ASPHD1: variants seen among roughly 807,000 people sequenced by gnomAD.
ASPHD1 encodes the protein aspartate beta-hydroxylase domain-containing protein 1.
In ASPHD1, 20 loss-of-function variants were observed where a neutral mutation model predicts 28.3. The ratio of observed to expected loss-of-function variants is 0.71; its 90% CI spans 0.50 to 1.03. The LOEUF (loss-of-function observed/expected upper bound fraction) is 1.03. Among genes scored for constraint, ASPHD1 ranks in the 50% least tolerant of loss-of-function variants. The probability of loss-of-function intolerance (pLI) is 0.00; values close to 1 mark genes in which losing one functional copy is unlikely to be tolerated. For synonymous variants in ASPHD1, 240 were observed against 221.2 expected (o/e 1.08, Z -0.75); for missense variants, 479 against 524.1 (o/e 0.91, Z 0.84).
intron 3 of ASPHD1, chr16:29,911,722 G>T: frequency 7.4e-7 from 1 of 1,352,460 alleles, no homozygotes; most frequent in Non-Finnish European, 1.0e-6. Flanking sequence ...GTTCTTGTAG[G>T]CCCCCCGTGT....
At position 29,901,596 on chromosome 16, in the gene ASPHD1, G is replaced by C. The variant is rs2068549754; in HGVS notation, c.625G>C (p.Asp209His). 3.2e-6 allele frequency: 5 copies of C among 1,547,226 alleles called. No individual in the cohort carries two copies. The African/African-American group carries it at 4.1e-5, about 13-fold the overall frequency. Residue 209 changes from aspartate to histidine, a missense_variant, in exon 1 of 3, where the codon GAC (aspartate) becomes CAC (histidine). Asp to His is a moderately conservative substitution (Grantham distance 81). Coordinates refer to ENST00000308748, the MANE Select transcript of ASPHD1 (RefSeq NM_181718.4). This position sits in a 1 kb window ranked among gnomAD's most constrained non-coding sequence, Gnocchi z 5.1. ...PFVPRDAQRH[D>H]VELLESSFPA... ...TGTGCCGCGGGACGCCCAGCGGCAC[G>C]ACGTGGAGCTCCTGGAGAGCAGCTT... is the stretch of plus-strand genomic sequence containing the variant.
At chr16:29,912,898 T>A (rs62056408) in intron 3 of ASPHD1, among the ~76,000 whole-genome samples, 1 of 152,230 alleles carries the variant, frequency 6.6e-6, no homozygotes, top group Non-Finnish European at 1.5e-5. Flanking sequence ...GTGAATGAAC[T>A]TCATTGGGTG....
downstream of ASPHD1, among the ~76,000 whole-genome samples, chr16:29,909,970 G>A (rs910839764): frequency 5.3e-5 from 8 of 151,858 alleles, no homozygotes; most frequent in Non-Finnish European, 1.2e-4. Flanking sequence ...ATGGAGGCGG[G>A]TGCCTGTAGT....
downstream of ASPHD1, chr16:29,907,197 C>T: frequency 1.1e-6 from 1 of 870,054 alleles, no homozygotes; most frequent in Non-Finnish European, 1.8e-6. Context: ...ACCAACACAC[C>T]TCCTAGCCCT....
At position 29,900,950 on chromosome 16, in the gene ASPHD1, G is replaced by A. The variant is rs1431890982; in HGVS notation, c.-22G>A. 4 of 1,547,246 alleles carry A rather than the reference G, an allele frequency of 2.6e-6. No individual in the cohort carries two copies. Among genetic ancestry groups the A allele is most frequent in the Non-Finnish European group, 3.5e-6 (4 of 1,143,812 alleles). On this transcript the variant is annotated 5_prime_UTR_variant, in exon 1 of 3. Transcript: ENST00000308748. ...AAGGAGAGAGAAAGGGGAGAGAAAG[G>A]AGAGAGGAGGGTTGGAGGTGCATGA...
At chr16:29,904,490 G>A (rs939508487) in intron 1 of ASPHD1, among the ~76,000 whole-genome samples, 1 of 151,274 alleles carries the variant, frequency 6.6e-6, no homozygotes, top group Non-Finnish European at 1.5e-5. Flanking sequence ...TGTAGCACAT[G>A]CCTGTAATCC....
chr16:29,901,583 C>A lies in ASPHD1; in HGVS notation c.612C>A (p.Asp204Glu), dbSNP rs770388990. ...CTTCAGCCCCCTTTGTGCCGCGGGA[C>A]GCCCAGCGGCACGACGTGGAGCTCC... ...DLPSAPFVPRDAQRHDVELLE... is the reference protein window; with the variant it reads ...DLPSAPFVPREAQRHDVELLE... Residue 204 changes from aspartate to glutamate, a missense_variant, in exon 1 of 3, where the codon GAC becomes GAA. Transcript: ENST00000308748. This position sits in a 1 kb window ranked among gnomAD's most constrained non-coding sequence, Gnocchi z 5.1. 1.9e-6 allele frequency: 3 copies of A among 1,542,094 alleles called. No individual in the cohort carries two copies. The highest frequency in any genetic ancestry group is 2.6e-6 in the Non-Finnish European group (3 of 1,152,694).
At chr16:29,904,032 G>A (rs1308295746) in intron 1 of ASPHD1, among the ~76,000 whole-genome samples, 1 of 147,552 alleles carries the variant, frequency 6.8e-6, no homozygotes, top group Admixed American at 6.8e-5. Flanking sequence ...GCTGCCAGGT[G>A]CCGTGGCTCA....
chr16:29,915,715 C>T (rs1174706894), intron 3 of ASPHD1, among the ~76,000 whole-genome samples: 5 of 152,154 alleles, frequency 3.3e-5, no homozygotes, highest in Non-Finnish European at 7.3e-5. Context: ...TTAACCTTCT[C>T]AGAAGCGTGA....
At chr16:29,918,307 A>C (rs2068844642) in intron 3 of ASPHD1, among the ~76,000 whole-genome samples, 1 of 152,192 alleles carries the variant, frequency 6.6e-6, no homozygotes, top group Non-Finnish European at 1.5e-5. Flanking sequence ...AAATCAAACC[A>C]CCATCCCCTA....
At chr16:29,918,347 A>G (rs2068845669) in intron 3 of ASPHD1, among the ~76,000 whole-genome samples, 1 of 152,270 alleles carries the variant, frequency 6.6e-6, no homozygotes, top group Non-Finnish European at 1.5e-5. Context: ...AACGTCATTA[A>G]TGACGAGTCA....
intron 3 of ASPHD1, among the ~76,000 whole-genome samples, chr16:29,916,953 G>C (rs146322975): frequency 6.6e-6 from 1 of 152,312 alleles, no homozygotes; most frequent in East Asian, 1.9e-4. Flanking sequence ...GTGGACCTCT[G>C]CTTAGGGATG....
At chr16:29,913,477 T>C in intron 3 of ASPHD1, 1 of 152,226 alleles carries the variant, frequency 6.6e-6, no homozygotes, top group South Asian at 2.1e-4. Flanking sequence ...TATCTATCAC[T>C]GTGTAACAAA....
downstream of ASPHD1, among the ~76,000 whole-genome samples, chr16:29,907,419 T>C (rs976154102): frequency 5.3e-5 from 8 of 152,266 alleles, no homozygotes; most frequent in Admixed American, 3.3e-4. Context: ...ACTGCAAAAA[T>C]AGCAGTGAAC....
downstream of ASPHD1, among the ~76,000 whole-genome samples, chr16:29,908,080 TAAG>T (rs1567438938): frequency 6.6e-6 from 1 of 151,232 alleles, no homozygotes; most frequent in East Asian, 1.9e-4. Flanking sequence ...GTTACAACTT[TAAG>T]AAGGACTCCA....
intron 2 of ASPHD1, 75 bp downstream of exon 2, chr16:29,905,040 T>G (rs2068589401): frequency 8.8e-7 from 1 of 1,131,154 alleles, no homozygotes. Context: ...GGCAGCAGAA[T>G]CAGGCCCAAC....
At chr16:29,904,612 CAAAAAA>C (rs1243404965) in intron 1 of ASPHD1, among the ~76,000 whole-genome samples, 1 of 66,516 alleles carries the variant, frequency 1.5e-5, no homozygotes, top group African/African-American at 4.2e-5. Flanking sequence ...GACTTTGTCT[CAAAAAA>C]AAAAAAAAAA....
At chr16:29,907,875 T>C (rs2068639337), downstream of ASPHD1, among the ~76,000 whole-genome samples, 2 of 150,752 alleles carry the variant, frequency 1.3e-5, no homozygotes, top group Admixed American at 1.3e-4. Flanking sequence ...TGGTGTCTCC[T>C]GACTGTAATC....
intron 1 of ASPHD1, among the ~76,000 whole-genome samples, chr16:29,902,207 A>G (rs998952921): frequency 6.6e-6 from 1 of 152,194 alleles, no homozygotes; most frequent in African/African-American, 2.4e-5. Flanking sequence ...TATCAGTATT[A>G]CTTGCCCTAA....
Sources: allele counts gnomAD v4.1 joint callset (sites outside exome capture counted in the v4.1 genomes callset), GRCh38; gene constraint gnomAD v4.1.1; non-coding constraint Gnocchi (gnomAD v3.1); transcripts MANE v1.5; gene names NCBI Gene and HGNC (gene_info 2026-07-23, HGNC 2026-07-21).